HMGB1: variants seen among roughly 807,000 people sequenced by gnomAD.
HMGB1 encodes high mobility group box 1.
For synonymous variants in HMGB1, 81 were observed against 84.0 expected (o/e 0.96, Z 0.19); for missense variants, 79 against 253.5 (o/e 0.31, Z 4.67).
At chr13:30,468,956 C>T (rs1055292076), upstream of HMGB1, among the ~76,000 whole-genome samples, 4 of 151,716 alleles carry the variant, frequency 2.6e-5, no homozygotes, top group East Asian at 3.9e-4. Context: ...TGGAATGGCA[C>T]GATCTCAGCT....
chr13:30,577,512 G>T (rs1389865620), intron 1 of HMGB1, among the ~76,000 whole-genome samples: 1 of 152,160 alleles, frequency 6.6e-6, no homozygotes, highest in Non-Finnish European at 1.5e-5. Context: ...TGACTCATCA[G>T]TGACCTTCTC....
At chr13:30,579,714 G>C (rs1424421457) in intron 1 of HMGB1, among the ~76,000 whole-genome samples, 1 of 152,080 alleles carries the variant, frequency 6.6e-6, no homozygotes, top group East Asian at 1.9e-4. Flanking sequence ...TAAATGCCTG[G>C]CACTTAGTAT....
In HMGB1 at chr13:30,531,436, C is replaced by T. The variant is rs147780742; in HGVS notation, c.-14-67742G>A. ...GCTACAGGAATATTTAAAGATGTAG[C>T]GCACCCACGCTGGAAGTGGAACTCT... On this transcript the variant is annotated intron_variant, in intron 1 of 4. Transcript: ENST00000405805. Among the ~76,000 whole-genome samples, 66 of 151,948 alleles carry T rather than the reference C, an allele frequency of 4.3e-4. No individual in the cohort carries two copies. The East Asian group carries it at 7.5e-3, about 17-fold the overall frequency.
chr13:30,504,863 GC>G (rs1417282121), intron 1 of HMGB1, among the ~76,000 whole-genome samples: 1 of 116,488 alleles, frequency 8.6e-6, no homozygotes, highest in Non-Finnish European at 1.9e-5. Context: ...ACAGTTCTTT[GC>G]TTTTTTCCCC....
intron 1 of HMGB1, among the ~76,000 whole-genome samples, chr13:30,570,341 A>C (rs1445486501): frequency 2.6e-5 from 4 of 152,256 alleles, no homozygotes; most frequent in African/African-American, 9.6e-5. Flanking sequence ...CATTCTCTAC[A>C]AAATTCACTT....
At chr13:30,505,721 T>A (rs987713733) in intron 1 of HMGB1, among the ~76,000 whole-genome samples, 10 of 152,256 alleles carry the variant, frequency 6.6e-5, no homozygotes, top group South Asian at 2.1e-4. Flanking sequence ...CCCGTTTCCA[T>A]CTTACTCCTA....
intron 1 of HMGB1, among the ~76,000 whole-genome samples, chr13:30,556,185 A>G (rs1169973668): frequency 6.6e-6 from 1 of 152,214 alleles, no homozygotes; most frequent in Non-Finnish European, 1.5e-5. Flanking sequence ...TGGGCAGATC[A>G]CCTGAGACTG....
chr13:30,503,838 C>T (rs1887793335), intron 1 of HMGB1, among the ~76,000 whole-genome samples: 1 of 151,948 alleles, frequency 6.6e-6, no homozygotes, highest in South Asian at 2.1e-4. Flanking sequence ...GTGAGGACTG[C>T]TTGAGCCCAG....
At chr13:30,591,946 T>C (rs1186099973) in intron 1 of HMGB1, among the ~76,000 whole-genome samples, 1 of 152,160 alleles carries the variant, frequency 6.6e-6, no homozygotes. Flanking sequence ...ACTAAGGTAA[T>C]CTGAAAGACC....
Position 30,559,469 on chromosome 13 carries a change from C to T in HMGB1, c.-15+57202G>A, listed in dbSNP as rs556999655. 2.6e-5 allele frequency among the ~76,000 whole-genome samples: 4 copies of T among 152,268 alleles called. No homozygotes were observed. In the East Asian group the frequency reaches 7.7e-4, roughly 29 times the overall value. ...AAAGAATGAAGTGATGGAAGCCAGA[C>T]TCAAACCAACTGTGTACTCTGTCCA... On this transcript the variant is annotated intron_variant, in intron 1 of 4. Transcript: ENST00000405805. This position sits in a 1 kb window ranked among gnomAD's most constrained non-coding sequence, Gnocchi z 6.6.
Position 30,538,663 on chromosome 13 carries a change from C to CTTTCCTTT in HMGB1, c.-14-74970_-14-74969insAAAGGAAA, listed in dbSNP as rs1555238863. 6.7e-4 allele frequency among the ~76,000 whole-genome samples: 54 copies of CTTTCCTTT among 80,042 alleles called. 3 individuals are homozygous for CTTTCCTTT. Among genetic ancestry groups the CTTTCCTTT allele is most frequent in the East Asian group, 2.9e-3 (10 of 3,448 alleles). The allele number at this position is 80,042 out of a possible 152,430, so 52.5% of individuals were successfully genotyped here. A position where few individuals can be genotyped will look rare whatever the true frequency, so the allele number is the denominator to read the frequency against. ...TCTTCCTTTCTTTCTTTCTTTCTTTCCTTTCTTTCTTTCTTTCTTTCCTTT... is the reference window on the plus strand; with the variant it reads ...TCTTCCTTTCTTTCTTTCTTTCTTTCTTTCCTTTCTTTCTTTCTTTCTTTCTTTCCTTT... On this transcript the variant is annotated intron_variant, in intron 1 of 4. Transcript: ENST00000405805.
intron 1 of HMGB1, among the ~76,000 whole-genome samples, chr13:30,496,504 G>C (rs1340212800): frequency 2.6e-5 from 4 of 152,160 alleles, no homozygotes; most frequent in African/African-American, 4.8e-5. Context: ...TTTTGCAAAA[G>C]TACATGGCAG....
chr13:30,551,777 T>C (rs971607370), intron 1 of HMGB1, among the ~76,000 whole-genome samples: 1 of 152,166 alleles, frequency 6.6e-6, no homozygotes, highest in African/African-American at 2.4e-5. Flanking sequence ...GCGATCATAG[T>C]TCATTGCAGC....
At chr13:30,607,002 C>A (rs956499469) in intron 1 of HMGB1, among the ~76,000 whole-genome samples, 1 of 151,528 alleles carries the variant, frequency 6.6e-6, no homozygotes, top group African/African-American at 2.4e-5. Context: ...CATTTTATTT[C>A]ACTTATTGAA....
intron 1 of HMGB1, among the ~76,000 whole-genome samples, chr13:30,607,951 G>T (rs932716887): frequency 7.9e-5 from 12 of 152,206 alleles, no homozygotes; most frequent in African/African-American, 2.7e-4. Flanking sequence ...CGGCCCCCAA[G>T]ATGGCCTCCA....
At chr13:30,556,750 G>A (rs565754890) in intron 1 of HMGB1, among the ~76,000 whole-genome samples, 1 of 152,326 alleles carries the variant, frequency 6.6e-6, no homozygotes, top group South Asian at 2.1e-4. Context: ...GATACTAGAG[G>A]CTGGGACGAG....
chr13:30,489,758 G>A (rs1466643795), intron 1 of HMGB1, among the ~76,000 whole-genome samples: 6 of 141,984 alleles, frequency 4.2e-5, no homozygotes, highest in South Asian at 2.3e-4. Context: ...TTCCTGAGAC[G>A]GAGTCTCGCT....
rs113706377 is a variant in HMGB1, at chr13:30,524,910, A to G, written c.-14-61216T>C. Among the ~76,000 whole-genome samples the G allele has an allele frequency of 2.6e-3, 389 of 152,288 alleles. 1 individual carries two copies. The highest frequency in any genetic ancestry group is 8.3e-3 in the African/African-American group (345 of 41,566). On this transcript the variant is annotated intron_variant, in intron 1 of 4. Transcript: ENST00000405805. ...TAATTGGAACCTTGCCTGTGGTTAT[A>G]TATGCGTTGTTTTTTTATCACATAG... is the stretch of plus-strand genomic sequence containing the variant.
At chr13:30,501,917 T>C (rs1887743704) in intron 1 of HMGB1, among the ~76,000 whole-genome samples, 1 of 152,230 alleles carries the variant, frequency 6.6e-6, no homozygotes, top group African/African-American at 2.4e-5. Context: ...CATTTTCTCA[T>C]ATTAGATAAG....
Sources: gnomAD v4.1 joint callset for allele counts (sites outside exome capture counted in the v4.1 genomes callset) on GRCh38, gnomAD v4.1.1 for gene constraint, Gnocchi (gnomAD v3.1) non-coding constraint, MANE v1.5 for transcripts, NCBI Gene and HGNC (gene_info 2026-07-23, HGNC 2026-07-21) for gene names.